The following DVL1 variants were observed in gnomAD, a reference collection of about 807,000 sequenced individuals.
DVL1 encodes segment polarity protein dishevelled homolog DVL-1.
In DVL1, 49 loss-of-function variants were observed where a neutral mutation model predicts 65.0. The observed-to-expected ratio is 0.75, with a 90% CI of 0.60 to 0.96. DVL1 has a LOEUF of 0.96. Ranked by LOEUF, DVL1 falls within the 40% of genes least tolerant of loss-of-function variation. DVL1 has a pLI of 0.00. For missense variants in DVL1, 1,197 were observed against 1,045.4 expected, an observed-to-expected ratio of 1.15 and a Z score of -2.00; for synonymous variants, 608 against 433.9, an observed-to-expected ratio of 1.40 and a Z score of -4.99.
At chr1:1,344,334 C>T (rs1205211207) in intron 1 of DVL1, among the ~76,000 whole-genome samples, 1 of 152,324 alleles carries the variant, frequency 6.6e-6, no homozygotes, top group African/African-American at 2.4e-5. Context: ...AGAGCCACCC[C>T]GACTGGCCGC....
rs770136685 is a variant in DVL1 at position 1,337,998 on chromosome 1, T to G, written c.1693A>C (p.Thr565Pro). The change falls in exon 14 of 15, where the codon ACC becomes CCC. Residue 565 changes from threonine to proline, a missense_variant. By Grantham distance (38) the Thr-to-Pro change is conservative. Transcript: ENST00000378888. ...TCACCTTCACTCTGCTGACTCCCGG[T>G]GCTGCCGCTGCCATAGCTAAAGCCC... Reference protein sequence around the residue: ...DPGFSYGSGSTGSQQSEGSKS... With the variant: ...DPGFSYGSGSPGSQQSEGSKS... 7.4e-6 allele frequency: 12 copies of G among 1,611,414 alleles called. No individual in the cohort carries two copies. In the Middle Eastern group the frequency reaches 5.1e-4, roughly 68 times the overall value.
intron 1 of DVL1, among the ~76,000 whole-genome samples, chr1:1,346,443 C>A (rs1357207691): frequency 1.3e-5 from 2 of 152,196 alleles, no homozygotes; most frequent in Non-Finnish European, 2.9e-5. Context: ...TCCTCTGCCT[C>A]GGCCCAAGGC....
rs748660429 is a variant in DVL1, at chr1:1,342,904, G to C, written c.171-146C>G. On this transcript the variant is annotated intron_variant, in intron 1 of 14. Coordinates refer to ENST00000378888, the MANE Select transcript of DVL1 (RefSeq NM_001330311.2). ...CTAGCGCATTCTCCTCTTGGGAACC[G>C]TCCTTCCTCTCCGTCACATCCTGGG... is the stretch of plus-strand genomic sequence containing the variant. The C allele has an allele frequency of 8.2e-6, 6 of 732,810 alleles. No homozygotes were observed. In the Admixed American group the frequency reaches 1.4e-4, roughly 17 times the overall value. 45.4% of individuals were successfully genotyped at this position (732,810 alleles called of 1,614,324 possible). A position where few individuals can be genotyped will look rare whatever the true frequency, so the allele number is the denominator to read the frequency against.
chr1:1,342,499 G>T lies in DVL1; in HGVS notation c.241-15C>A. On this transcript the variant is annotated splice_polypyrimidine_tract_variant and intron_variant, in intron 2 of 14. Coordinates refer to ENST00000378888, the MANE Select transcript of DVL1 (RefSeq NM_001330311.2). ...GCCAGGACCAGCTGTGGAGGGAGCAGGCATGCTCAGGGGAGCCCACCCGCC... is the reference window on the plus strand; with the variant it reads ...GCCAGGACCAGCTGTGGAGGGAGCATGCATGCTCAGGGGAGCCCACCCGCC... 1 of 1,608,786 alleles carries T rather than the reference G, an allele frequency of 6.2e-7. No individual in the cohort carries two copies. The highest frequency in any genetic ancestry group is 8.5e-7 in the Non-Finnish European group (1 of 1,178,656).
chr1:1,348,796 C>T (rs370484411), intron 1 of DVL1, 100 bp downstream of exon 1: 1 of 1,073,898 alleles, frequency 9.3e-7, no homozygotes, highest in Non-Finnish European at 1.2e-6. Context: ...CGCAGGTCCC[C>T]GGGGGCGCGA....
rs908155033 is a variant in DVL1 at position 1,342,270 on chromosome 1, C to G, written c.362+93G>C. Reference sequence around the variant, plus strand: ...CCAGCCCCAGCAGGTGCCACGCCCGCCTACTGGCCCAGGCAGGCCTCCCTC... The same window carrying G: ...CCAGCCCCAGCAGGTGCCACGCCCGGCTACTGGCCCAGGCAGGCCTCCCTC... On this transcript the variant is annotated intron_variant, in intron 3 of 14. Coordinates refer to ENST00000378888, the MANE Select transcript of DVL1 (RefSeq NM_001330311.2). 8.3e-5 allele frequency: 125 copies of G among 1,497,138 alleles called. No homozygotes were observed. The African/African-American group carries it at 1.4e-3, about 16-fold the overall frequency. 92.7% of individuals were successfully genotyped at this position (1,497,138 alleles called of 1,614,324 possible).
rs1158580292 is a variant in DVL1 at position 1,349,401 on chromosome 1, G to T, written c.-336C>A. On this transcript the variant is annotated 5_prime_UTR_variant, in exon 1 of 15. Coordinates refer to ENST00000378888, the MANE Select transcript of DVL1 (RefSeq NM_001330311.2). This position sits in a 1 kb window ranked among gnomAD's most constrained non-coding sequence, Gnocchi z 4.1. ...CCGTTAAAGGGACCGCCCGGCCCGG[G>T]GTCCTGAGCGTGGCCGCGGGGGGGC... 6.8e-6 allele frequency: 1 copy of T among 146,014 alleles called. No individual in the cohort carries two copies. The highest frequency in any genetic ancestry group is 1.5e-5 in the Non-Finnish European group (1 of 65,728). The allele number at this position is 146,014 out of a possible 1,614,324, so 9.0% of individuals were successfully genotyped here. A position where few individuals can be genotyped will look rare whatever the true frequency, so the allele number is the denominator to read the frequency against.
At chr1:1,346,888 G>A (rs144648934) in intron 1 of DVL1, among the ~76,000 whole-genome samples, 1 of 152,244 alleles carries the variant, frequency 6.6e-6, no homozygotes, top group East Asian at 1.9e-4. Context: ...TGGCATCCAG[G>A]GTCAGTGTCT....
chr1:1,336,980 G>C (rs1643599110), intron 14 of DVL1: 1 of 991,962 alleles, frequency 1.0e-6, no homozygotes, highest in Non-Finnish European at 1.2e-6. Context: ...GGCTGGCTGG[G>C]GACATGCTGA....
intron 1 of DVL1, among the ~76,000 whole-genome samples, chr1:1,343,366 C>T (rs1490540397): frequency 6.6e-6 from 1 of 152,164 alleles, no homozygotes; most frequent in African/African-American, 2.4e-5. Context: ...CCAGGCTATT[C>T]CCTGTCCCTT....
intron 1 of DVL1, among the ~76,000 whole-genome samples, chr1:1,348,360 C>T (rs1258818941): frequency 1.3e-5 from 2 of 152,200 alleles, no homozygotes; most frequent in Non-Finnish European, 2.9e-5. Flanking sequence ...CACGGGTAGG[C>T]GAATAAAGTT....
Position 1,338,516 on chromosome 1 carries a change from A to G in DVL1, c.1339+6T>C, listed in dbSNP as rs1643670002. ...GCACTATCCGCCCGCGGGGACGGCC[A>G]CTCACCGATGACGGCATTGGCGATG... On this transcript the variant is annotated splice_donor_region_variant and intron_variant, in intron 12 of 14. Coordinates refer to ENST00000378888, the MANE Select transcript of DVL1 (RefSeq NM_001330311.2). 1 of 1,612,060 alleles carries G rather than the reference A, an allele frequency of 6.2e-7. No homozygotes were observed. The highest frequency in any genetic ancestry group is 1.7e-4 in the Middle Eastern group (1 of 6,058).
chr1:1,348,692 C>A (rs970131376), intron 1 of DVL1, among the ~76,000 whole-genome samples: 16 of 152,130 alleles, frequency 1.1e-4, no homozygotes, highest in Non-Finnish European at 2.2e-4. Flanking sequence ...GGGAACCCCG[C>A]CTGCCATCGC....
intron 5 of DVL1, 148 bp downstream of exon 5, chr1:1,341,519 C>A: frequency 3.5e-6 from 4 of 1,126,968 alleles, no homozygotes; most frequent in Non-Finnish European, 4.9e-6. Flanking sequence ...ACACGTGCAT[C>A]ATGTACACAG....
intron 5 of DVL1, among the ~76,000 whole-genome samples, chr1:1,341,074 C>G (rs1405453689): frequency 1.1e-4 from 17 of 148,166 alleles, no homozygotes; most frequent in Admixed American, 2.7e-4. Context: ...CCTGCACACA[C>G]GCACCCCTGC....
intron 2 of DVL1, 71 bp from the exon 3 acceptor site, chr1:1,342,555 A>G (rs1643865951): frequency 5.7e-6 from 9 of 1,579,152 alleles, no homozygotes; most frequent in Non-Finnish European, 6.9e-6. Context: ...CACCCAGGGA[A>G]CAGGGGGCCA....
intron 5 of DVL1, among the ~76,000 whole-genome samples, chr1:1,341,218 C>T (rs1237094853): frequency 1.3e-5 from 2 of 151,100 alleles, no homozygotes; most frequent in African/African-American, 4.9e-5. Context: ...CACACGCACA[C>T]GCACACATGC....
rs373878643 is a variant in DVL1, at chr1:1,339,670, C to T, written c.987-21G>A. 1.2e-5 allele frequency: 19 copies of T among 1,611,966 alleles called. No individual in the cohort carries two copies. In the South Asian group the frequency reaches 1.6e-4, roughly 14 times the overall value. On this transcript the variant is annotated intron_variant, in intron 9 of 14. Transcript: ENST00000378888. ...TGGGCCTGCAGGAACGGTGGTCACA[C>T]AGCAAGGCCCCCATGGTCCCACCTC...
In DVL1 at chr1:1,339,784, C is replaced by T; in HGVS notation, c.938G>A (p.Ser313Asn). 3.1e-6 allele frequency: 5 copies of T among 1,612,286 alleles called. No homozygotes were observed. The highest frequency in any genetic ancestry group is 2.2e-5 in the South Asian group (2 of 91,082). ...CAGCACCCGCACGGCATCGTCATTGCTCATGTTCTCAAAGTTCACGTCATT... is the reference window on the plus strand; with the variant it reads ...CAGCACCCGCACGGCATCGTCATTGTTCATGTTCTCAAAGTTCACGTCATT... ...QVNDVNFENM[S>N]NDDAVRVLRE... Residue 313 changes from serine (S) to asparagine (N), a missense_variant, in exon 9 of 15, where the codon AGC (serine) becomes AAC (asparagine). By Grantham distance (46) the Ser-to-Asn change is conservative (BLOSUM62 1). Transcript: ENST00000378888.
Sources: gnomAD v4.1 joint callset for allele counts (sites outside exome capture counted in the v4.1 genomes callset) on GRCh38, gnomAD v4.1.1 for gene constraint, Gnocchi (gnomAD v3.1) non-coding constraint, MANE v1.5 for transcripts, NCBI Gene and HGNC (gene_info 2026-07-23, HGNC 2026-07-21) for gene names.